ST8SIA5: variants seen among roughly 807,000 people sequenced by gnomAD.
ST8SIA5 encodes the protein alpha-2,8-sialyltransferase 8E.
In ST8SIA5, 24 loss-of-function variants were observed where a neutral mutation model predicts 40.2. The observed-to-expected ratio is 0.60, with a 90% CI of 0.43 to 0.84. The LOEUF (loss-of-function observed/expected upper bound fraction) is 0.84, where lower values mean the gene tolerates loss of function less well. Ranked by LOEUF, ST8SIA5 falls within the 40% of genes least tolerant of loss-of-function variation. ST8SIA5 has a pLI of 0.00. For synonymous variants in ST8SIA5, 198 were observed against 201.8 expected (o/e 0.98, Z 0.16); for missense variants, 465 against 498.5 (o/e 0.93, Z 0.64).
chr18:46,731,046 G>A (rs1247729159), intron 1 of ST8SIA5, among the ~76,000 whole-genome samples: 2 of 152,200 alleles, frequency 1.3e-5, no homozygotes, highest in Admixed American at 1.3e-4. Context: ...AAGTGAAGAT[G>A]AACTATGTGT....
chr18:46,681,137 AT>A (rs373868101), intron 6 of ST8SIA5, among the ~76,000 whole-genome samples: 176 of 144,212 alleles, frequency 1.2e-3, no homozygotes, highest in East Asian at 2.0e-3. Flanking sequence ...ACACTTGCCT[AT>A]TTTTTTTTTT....
intron 3 of ST8SIA5, among the ~76,000 whole-genome samples, chr18:46,690,863 G>T (rs773397389): frequency 1.3e-5 from 2 of 152,048 alleles, no homozygotes; most frequent in South Asian, 2.1e-4. Context: ...TGATTCACCC[G>T]CCTTGGCCTC....
rs551136094 is a variant in ST8SIA5, at chr18:46,747,651, A to G, written c.131+8727T>C. Among the ~76,000 whole-genome samples the G allele has an allele frequency of 2.6e-5, 4 of 152,326 alleles. No homozygotes were observed. In the East Asian group the frequency reaches 7.7e-4, roughly 29 times the overall value. On this transcript the variant is annotated intron_variant, in intron 1 of 6. Coordinates refer to ENST00000315087, the MANE Select transcript of ST8SIA5 (RefSeq NM_013305.6). ...GTGTAAATTAGTTCAATGATTGTGG[A>G]AGACAGTGTGGTGGTTCCTCAAGGA...
intron 1 of ST8SIA5, among the ~76,000 whole-genome samples, chr18:46,740,166 C>G (rs960090461): frequency 6.6e-6 from 1 of 152,058 alleles, no homozygotes; most frequent in Non-Finnish European, 1.5e-5. Flanking sequence ...CTTTTAATTG[C>G]CTTATTAAAT....
At chr18:46,692,071 A>C (rs533027) in intron 3 of ST8SIA5, 98 bp downstream of exon 3, 1,253,290 of 1,296,952 alleles carry the variant, frequency 0.97, 607,062 homozygotes, top group Non-Finnish European at 0.99. Context: ...GGGAAGATGC[A>C]CGCTGAGAGC....
Position 46,692,931 on chromosome 18 carries a change from G to A in ST8SIA5, c.225-676C>T, listed in dbSNP as rs1207261938. ...AAACAGAGGCAGTCCCTATGCCTCA[G>A]AGCCTGCCAGAATTATTCAAACTAG... On this transcript the variant is annotated intron_variant, in intron 2 of 6. Coordinates refer to ENST00000315087, the MANE Select transcript of ST8SIA5 (RefSeq NM_013305.6). Among the ~76,000 whole-genome samples the A allele has an allele frequency of 2.9e-5, 4 of 138,434 alleles. No homozygotes were observed. In the Admixed American group the frequency reaches 3.3e-4, roughly 11 times the overall value. 90.8% of individuals were successfully genotyped at this position (138,434 alleles called of 152,430 possible).
At chr18:46,681,868 A>G in intron 6 of ST8SIA5, 104 bp downstream of exon 6, 1 of 1,188,986 alleles carries the variant, frequency 8.4e-7, no homozygotes. Flanking sequence ...TTACACTCAC[A>G]GCCAGCACAC....
At chr18:46,725,982 T>TATATATATATATATCCTGG (rs2039919701) in intron 1 of ST8SIA5, among the ~76,000 whole-genome samples, 1 of 46,490 alleles carries the variant, frequency 2.2e-5, no homozygotes. Flanking sequence ...AATATATATA[T>TATATATATATATATCCTGG]ATATATATAT....
At position 46,668,067 on chromosome 18, in the gene ST8SIA5, C is replaced by T. The variant is rs1331585780; in HGVS notation, c.*11975G>A. ...TGCAGCCCCCATGTCCCCAAACTGTCTTTGAATGGCACAGCCTTTCTCTCC... is the reference window on the plus strand; with the variant it reads ...TGCAGCCCCCATGTCCCCAAACTGTTTTTGAATGGCACAGCCTTTCTCTCC... On this transcript the variant is annotated 3_prime_UTR_variant, in exon 7 of 7. Coordinates refer to ENST00000315087, the MANE Select transcript of ST8SIA5 (RefSeq NM_013305.6). The T allele has an allele frequency of 6.6e-6, 1 of 152,256 alleles. No homozygotes were observed. 9.4% of individuals were successfully genotyped at this position (152,256 alleles called of 1,614,324 possible).
intron 1 of ST8SIA5, among the ~76,000 whole-genome samples, chr18:46,712,684 T>G (rs540972472): frequency 6.6e-6 from 1 of 152,292 alleles, no homozygotes; most frequent in East Asian, 1.9e-4. Context: ...CATCAAAGAT[T>G]TATAGACCCT....
chr18:46,735,330 C>A (rs539072820), intron 1 of ST8SIA5, among the ~76,000 whole-genome samples: 1 of 152,276 alleles, frequency 6.6e-6, no homozygotes, highest in East Asian at 1.9e-4. Flanking sequence ...AATAAACTGC[C>A]CTTTATATAT....
chr18:46,742,440 A>G (rs1459104865), intron 1 of ST8SIA5, among the ~76,000 whole-genome samples: 1 of 152,146 alleles, frequency 6.6e-6, no homozygotes, highest in Non-Finnish European at 1.5e-5. Flanking sequence ...AAAAAAAAAT[A>G]GCAGAATTGG....
intron 1 of ST8SIA5, among the ~76,000 whole-genome samples, chr18:46,710,937 C>CT: frequency 6.6e-6 from 1 of 152,312 alleles, no homozygotes; most frequent in South Asian, 2.1e-4. Flanking sequence ...AATAGAAGCC[C>CT]AGGGGGGTCC....
At chr18:46,711,927 A>G (rs2039736783) in intron 1 of ST8SIA5, among the ~76,000 whole-genome samples, 1 of 152,178 alleles carries the variant, frequency 6.6e-6, no homozygotes, top group Admixed American at 6.5e-5. Context: ...ACTGGATGCT[A>G]AAAAGCCTGA....
chr18:46,680,450 G>C lies in ST8SIA5; in HGVS notation c.723C>G (p.Asn241Lys). 6.2e-7 allele frequency: 1 copy of C among 1,609,674 alleles called. No individual in the cohort carries two copies. Among genetic ancestry groups the C allele is most frequent in the African/African-American group, 1.3e-5 (1 of 74,940 alleles). Residue 241 changes from asparagine to lysine, a missense_variant, in exon 7 of 7, where the codon AAC becomes AAG. By Grantham distance (94) the Asn-to-Lys change is moderately conservative. Coordinates refer to ENST00000315087, the MANE Select transcript of ST8SIA5 (RefSeq NM_013305.6). ...AGAAGGCAGGCAGCAGCACCGACGC[G>C]TTCTCGTACACCTGCAGCACGCGAT... The part of the protein sequence containing the change: ...PFYRVLQVYE[N>K]ASVLLPAFYN...
chr18:46,708,716 C>G (rs2039692991), intron 1 of ST8SIA5, among the ~76,000 whole-genome samples: 1 of 152,158 alleles, frequency 6.6e-6, no homozygotes, highest in Non-Finnish European at 1.5e-5. Context: ...AGTTCCTTTC[C>G]ATGGAAATCC....
At chr18:46,743,518 AAG>A (rs1306830535) in intron 1 of ST8SIA5, among the ~76,000 whole-genome samples, 2 of 152,212 alleles carry the variant, frequency 1.3e-5, no homozygotes, top group African/African-American at 2.4e-5. Flanking sequence ...TTAGAGAAAA[AAG>A]AGTAAAAAGA....
At position 46,674,944 on chromosome 18, in the gene ST8SIA5, G is replaced by A. The variant is rs1483300886; in HGVS notation, c.*5098C>T. On this transcript the variant is annotated 3_prime_UTR_variant, in exon 7 of 7. Transcript: ENST00000315087. ...GTGGCAGGAGGATCTCTGGGAAGGT[G>A]AGTAAGCCAGCTTGGGACATTCCCT... 1.3e-5 allele frequency: 2 copies of A among 152,244 alleles called. No homozygotes were observed. The highest frequency in any genetic ancestry group is 4.8e-5 in the African/African-American group (2 of 41,422). The allele number at this position is 152,244 out of a possible 1,614,324, so 9.4% of individuals were successfully genotyped here.
Position 46,729,373 on chromosome 18 carries a change from G to A in ST8SIA5, c.132-24709C>T, listed in dbSNP as rs1050195678. Among the ~76,000 whole-genome samples the A allele has an allele frequency of 1.1e-4, 16 of 152,366 alleles. 1 individual carries two copies. The highest frequency in any genetic ancestry group is 1.9e-4 in the Non-Finnish European group (13 of 68,038). ...CCTTAAGCAACCAGAGTGGGGAAAG[G>A]GGGCCAGGGGTGGGTGCCTTGAACT... On this transcript the variant is annotated intron_variant, in intron 1 of 6. Coordinates refer to ENST00000315087, the MANE Select transcript of ST8SIA5 (RefSeq NM_013305.6).
Sources: gnomAD v4.1 joint callset for allele counts (sites outside exome capture counted in the v4.1 genomes callset) on GRCh38, gnomAD v4.1.1 for gene constraint, MANE v1.5 for transcripts, NCBI Gene and HGNC (gene_info 2026-07-23, HGNC 2026-07-21) for gene names.